The following CRB1 variants were observed in gnomAD, a reference collection of about 807,000 sequenced individuals.
The protein encoded by CRB1 is crumbs cell polarity complex component 1.
In CRB1, 83 loss-of-function variants were observed where a neutral mutation model predicts 120.0. The observed-to-expected ratio is 0.69, with a 90% CI of 0.58 to 0.83. The LOEUF (loss-of-function observed/expected upper bound fraction) is 0.83. Among genes scored for constraint, CRB1 ranks in the 40% least tolerant of loss-of-function variants. The pLI is 0.00. For missense variants in CRB1, 1,699 were observed against 1,687.6 expected (o/e 1.01, Z -0.12); for synonymous variants, 625 against 612.5 (o/e 1.02, Z -0.30).
chr1:197,429,234 T>C (rs1460575539), intron 7 of CRB1: 1 of 1,393,016 alleles, frequency 7.2e-7, no homozygotes, highest in Non-Finnish European at 9.6e-7. Context: ...TTATATCTTT[T>C]CTCTCTCTCT....
In CRB1 at chr1:197,339,471, G is replaced by A. The variant is rs373478146; in HGVS notation, c.653-4810G>A. Among the ~76,000 whole-genome samples the A allele has an allele frequency of 2.8e-4, 42 of 152,198 alleles. 1 individual carries two copies. The South Asian group carries it at 8.5e-3, about 31-fold the overall frequency. ...CAAAAGAAAAATATTATGCATAGAGGCCTGTTAGGCATCACATACATTGAA... is the reference window on the plus strand; with the variant it reads ...CAAAAGAAAAATATTATGCATAGAGACCTGTTAGGCATCACATACATTGAA... On this transcript the variant is annotated intron_variant, in intron 2 of 11. Coordinates refer to ENST00000367400, the MANE Select transcript of CRB1 (RefSeq NM_201253.3).
intron 2 of CRB1, among the ~76,000 whole-genome samples, chr1:197,330,737 G>A (rs1658800985): frequency 6.6e-6 from 1 of 151,972 alleles, no homozygotes; most frequent in Admixed American, 6.6e-5. Context: ...GTTGACACCT[G>A]TATTAAAGAA....
chr1:197,279,746 G>A (rs1048301903), intron 1 of CRB1, among the ~76,000 whole-genome samples: 1 of 151,260 alleles, frequency 6.6e-6, no homozygotes, highest in Non-Finnish European at 1.5e-5. Context: ...CATGTAGAGG[G>A]ACTCAATGTC....
chr1:197,237,688 G>A, the CRB1 span, among the ~76,000 whole-genome samples: 2 of 151,984 alleles, frequency 1.3e-5, no homozygotes, highest in African/African-American at 4.8e-5. Flanking sequence ...ATTGTCCATG[G>A]GATCAGTAGT....
chr1:197,412,131 A>G (rs185685508), intron 5 of CRB1, among the ~76,000 whole-genome samples: 11 of 152,386 alleles, frequency 7.2e-5, no homozygotes, highest in Admixed American at 5.2e-4. Context: ...GGCATGGGAC[A>G]TGCTGGGGAA....
At chr1:197,334,093 A>G (rs1031875799) in intron 2 of CRB1, among the ~76,000 whole-genome samples, 2 of 152,218 alleles carry the variant, frequency 1.3e-5, no homozygotes, top group Non-Finnish European at 2.9e-5. Flanking sequence ...TACTGTTTTC[A>G]GTTCAACAGA....
chr1:197,365,629 T>C lies in CRB1; in HGVS notation c.1171+8616T>C, dbSNP rs553902329. Among the ~76,000 whole-genome samples, 361 of 119,670 alleles carry C rather than the reference T, an allele frequency of 3.0e-3. 1 individual carries two copies. Among genetic ancestry groups the C allele is most frequent in the Non-Finnish European group, 4.0e-3 (228 of 56,842 alleles). 78.5% of individuals were successfully genotyped at this position (119,670 alleles called of 152,430 possible). ...CCTTCTCCTTCTTCTTCTTCTTCTT[T>C]TTTTTTTTTTTTTATCAGTAGGGCT... On this transcript the variant is annotated intron_variant, in intron 5 of 11. Transcript: ENST00000367400.
chr1:197,225,674 T>C, the CRB1 span, among the ~76,000 whole-genome samples: 2 of 152,302 alleles, frequency 1.3e-5, no homozygotes, highest in East Asian at 3.9e-4. Flanking sequence ...CTACCTGCAA[T>C]GTGGGCATGA....
the CRB1 span, among the ~76,000 whole-genome samples, chr1:197,202,962 G>GGT: frequency 8.2e-3 from 1,211 of 147,618 alleles, 17 homozygotes; most frequent in African/African-American, 0.025. Context: ...ATGTCTTTGT[G>GGT]GTGTGTGTGT....
At chr1:197,254,450 TTAG>T in the CRB1 span, among the ~76,000 whole-genome samples, 1 of 152,152 alleles carries the variant, frequency 6.6e-6, no homozygotes, top group Non-Finnish European at 1.5e-5. Flanking sequence ...TATTCTTTTC[TTAG>T]TAGTGTCACC....
intron 5 of CRB1, among the ~76,000 whole-genome samples, chr1:197,366,853 C>T (rs1260148532): frequency 6.6e-6 from 1 of 152,182 alleles, no homozygotes; most frequent in Non-Finnish European, 1.5e-5. Context: ...ATTTTAATGA[C>T]TAGAATTGAA....
At chr1:197,414,278 T>C (rs1233785656) in intron 5 of CRB1, among the ~76,000 whole-genome samples, 1 of 152,170 alleles carries the variant, frequency 6.6e-6, no homozygotes, top group Admixed American at 6.5e-5. Context: ...TATATATGTC[T>C]AGTATATATA....
At chr1:197,345,570 G>A (rs932903117) in intron 3 of CRB1, among the ~76,000 whole-genome samples, 2 of 137,754 alleles carry the variant, frequency 1.5e-5, no homozygotes, top group East Asian at 2.1e-4. Context: ...GTGCAGTGGT[G>A]TGATCTTGGT....
chr1:197,463,732 G>T (rs774659460), intron 11 of CRB1, among the ~76,000 whole-genome samples: 19 of 152,130 alleles, frequency 1.2e-4, no homozygotes, highest in Non-Finnish European at 2.6e-4. Flanking sequence ...TAAAATGCCA[G>T]AAAATATTAA....
At chr1:197,244,149 T>C in the CRB1 span, among the ~76,000 whole-genome samples, 6 of 152,324 alleles carry the variant, frequency 3.9e-5, no homozygotes, top group African/African-American at 1.4e-4. Flanking sequence ...CTGTGTCTTT[T>C]AATTGGGACA....
chr1:197,450,917 G>C (rs547059295), intron 11 of CRB1, among the ~76,000 whole-genome samples: 22 of 130,678 alleles, frequency 1.7e-4, no homozygotes, highest in African/African-American at 5.8e-4. Flanking sequence ...CTGAGATCGT[G>C]CCACTGCACT....
Position 197,356,963 on chromosome 1 carries a change from G to T in CRB1, c.1121G>T (p.Ser374Ile). Reference sequence around the variant, plus strand: ...ATCACTGGACTGCCTTCTTCTTTCAGCTACCATGAAGCCTCAGGTTATGTC... The same window carrying T: ...ATCACTGGACTGCCTTCTTCTTTCATCTACCATGAAGCCTCAGGTTATGTC... ...GRITGLPSSF[S>I]YHEASGYVCI... The change falls in exon 5 of 12, where the codon AGC (serine) becomes ATC (isoleucine). Residue 374 changes from serine (S) to isoleucine (I), a missense_variant. By Grantham distance (142) the Ser-to-Ile change is moderately radical (BLOSUM62 -2). Transcript: ENST00000367400. The T allele has an allele frequency of 6.2e-7, 1 of 1,614,200 alleles. No individual in the cohort carries two copies. Among genetic ancestry groups the T allele is most frequent in the Non-Finnish European group, 8.5e-7 (1 of 1,180,042 alleles).
At chr1:197,341,920 T>C (rs1161748329) in intron 2 of CRB1, among the ~76,000 whole-genome samples, 1 of 152,194 alleles carries the variant, frequency 6.6e-6, no homozygotes, top group Non-Finnish European at 1.5e-5. Context: ...AAAGGATGGC[T>C]TCCTTGGGTG....
intron 11 of CRB1, among the ~76,000 whole-genome samples, chr1:197,445,791 T>G (rs1203000850): frequency 6.6e-6 from 1 of 152,240 alleles, no homozygotes; most frequent in East Asian, 1.9e-4. Flanking sequence ...ATTCAACAAA[T>G]GTTTAATGTA....
Sources: allele counts gnomAD v4.1 joint callset (sites outside exome capture counted in the v4.1 genomes callset), GRCh38; gene constraint gnomAD v4.1.1; transcripts MANE v1.5; gene names NCBI Gene and HGNC (gene_info 2026-07-23, HGNC 2026-07-21).